The following EPM2A variants were observed in gnomAD, a reference collection of about 807,000 sequenced individuals.
EPM2A encodes the protein EPM2A glucan phosphatase, laforin, also known as laforin.
Under a neutral mutation model 26.5 loss-of-function variants are expected in EPM2A, and 21 were observed. The ratio of observed to expected loss-of-function variants is 0.79; its 90% CI spans 0.56 to 1.14. EPM2A has a LOEUF of 1.14. Ranked by LOEUF, EPM2A falls within the 50% of genes most tolerant of loss-of-function variation. EPM2A has a pLI of 0.00. For synonymous variants in EPM2A, 217 were observed against 177.6 expected (o/e 1.22, Z -1.76); for missense variants, 458 against 440.8 (o/e 1.04, Z -0.35).
chr6:145,675,314 C>G (rs1260403070), intron 2 of EPM2A, among the ~76,000 whole-genome samples: 1 of 152,192 alleles, frequency 6.6e-6, no homozygotes. Flanking sequence ...ACAACTGTTA[C>G]CACCCACTGC....
At chr6:145,672,017 T>C (rs192780435) in intron 2 of EPM2A, among the ~76,000 whole-genome samples, 100 of 152,314 alleles carry the variant, frequency 6.6e-4, no homozygotes, top group African/African-American at 2.3e-3. Context: ...TGTCCTTTAA[T>C]GCAAATATCC....
intron 4 of EPM2A, among the ~76,000 whole-genome samples, chr6:145,455,369 C>G (rs1254943031): frequency 6.6e-6 from 1 of 151,628 alleles, no homozygotes; most frequent in Non-Finnish European, 1.5e-5. Flanking sequence ...AAATTTTTTT[C>G]TTTTTTGAGA....
Position 145,735,502 on chromosome 6 carries a change from G to T in EPM2A, c.-4C>A. ...CCACCCCAAAGCGGAAGCGCATGGC[G>T]GGCGGCGGCGGCGCGAATACCCGGG... On this transcript the variant is annotated 5_prime_UTR_variant, in exon 1 of 4. Coordinates refer to ENST00000367519, the MANE Select transcript of EPM2A (RefSeq NM_005670.4). 1 of 1,186,128 alleles carries T rather than the reference G, an allele frequency of 8.4e-7. No individual in the cohort carries two copies. Among genetic ancestry groups the T allele is most frequent in the Non-Finnish European group, 1.0e-6 (1 of 958,722 alleles). 73.5% of individuals were successfully genotyped at this position (1,186,128 alleles called of 1,614,324 possible).
intron 2 of EPM2A, among the ~76,000 whole-genome samples, chr6:145,517,231 T>G (rs2114769286): frequency 6.6e-6 from 1 of 152,300 alleles, no homozygotes; most frequent in South Asian, 2.1e-4. Context: ...GTATGAAGTT[T>G]TATTTTTGCA....
intron 2 of EPM2A, among the ~76,000 whole-genome samples, chr6:145,684,302 C>A (rs755128044): frequency 1.3e-5 from 2 of 152,000 alleles, no homozygotes; most frequent in Non-Finnish European, 2.9e-5. Context: ...AGAGCAAAGG[C>A]AATCAAGGAG....
chr6:145,546,235 C>A (rs1382240946), intron 2 of EPM2A, among the ~76,000 whole-genome samples: 1 of 152,144 alleles, frequency 6.6e-6, no homozygotes, highest in East Asian at 1.9e-4. Flanking sequence ...ACCTGGGAAG[C>A]TGCTGGTGCA....
chr6:145,661,512 T>G (rs1778706905), intron 2 of EPM2A, among the ~76,000 whole-genome samples: 1 of 152,228 alleles, frequency 6.6e-6, no homozygotes, highest in African/African-American at 2.4e-5. Flanking sequence ...AAACACCATC[T>G]AATTTCACTT....
chr6:145,661,048 CAG>C (rs1778668514), intron 2 of EPM2A, among the ~76,000 whole-genome samples: 1 of 151,944 alleles, frequency 6.6e-6, no homozygotes, highest in African/African-American at 2.4e-5. Context: ...GAGAGGGAGA[CAG>C]GGCACAGCAA....
chr6:145,415,326 G>C (rs187798825), intron 4 of EPM2A, among the ~76,000 whole-genome samples: 2 of 152,294 alleles, frequency 1.3e-5, no homozygotes, highest in African/African-American at 2.4e-5. Context: ...AATCTCTCCT[G>C]ATCTGTGAAG....
intron 2 of EPM2A, among the ~76,000 whole-genome samples, chr6:145,554,447 G>GATAC (rs1780697606): frequency 6.7e-6 from 1 of 149,788 alleles, no homozygotes; most frequent in South Asian, 2.1e-4. Flanking sequence ...TAGATAGATA[G>GATAC]ATAGATAGAT....
chr6:145,620,130 T>G (rs774229554), intron 2 of EPM2A, among the ~76,000 whole-genome samples: 2 of 152,152 alleles, frequency 1.3e-5, no homozygotes, highest in Non-Finnish European at 2.9e-5. Context: ...TCCCCAACCT[T>G]TTTGGAACCA....
At chr6:145,489,852 C>T in intron 4 of EPM2A, 2 of 1,434,416 alleles carry the variant, frequency 1.4e-6, no homozygotes, top group South Asian at 2.3e-5. Context: ...CCACTGGCAC[C>T]TGATTTATCC....
chr6:145,677,679 T>C (rs941697519), intron 2 of EPM2A, among the ~76,000 whole-genome samples: 4 of 152,140 alleles, frequency 2.6e-5, no homozygotes, highest in South Asian at 2.1e-4. Context: ...CCATTCACAA[T>C]TGCTTCAAAG....
At chr6:145,418,936 T>G (rs1778744539) in intron 4 of EPM2A, among the ~76,000 whole-genome samples, 1 of 152,202 alleles carries the variant, frequency 6.6e-6, no homozygotes, top group Non-Finnish European at 1.5e-5. Flanking sequence ...TTATATTCCT[T>G]GGAAAATCAA....
At chr6:145,694,592 T>G (rs1048418170) in intron 1 of EPM2A, among the ~76,000 whole-genome samples, 3 of 151,472 alleles carry the variant, frequency 2.0e-5, no homozygotes, top group African/African-American at 7.3e-5. Flanking sequence ...AAGTAAGAGG[T>G]GTTAAGATTG....
At chr6:145,715,735 C>A (rs1775581882) in intron 1 of EPM2A, among the ~76,000 whole-genome samples, 1 of 152,132 alleles carries the variant, frequency 6.6e-6, no homozygotes, top group Admixed American at 6.5e-5. Context: ...ACTTGGGAGA[C>A]AGGGAGACAT....
intron 4 of EPM2A, among the ~76,000 whole-genome samples, chr6:145,419,913 T>C (rs963163019): frequency 2.0e-5 from 3 of 152,180 alleles, no homozygotes; most frequent in African/African-American, 4.8e-5. Context: ...CATTGAATAG[T>C]TAATATTTTA....
chr6:145,397,228 C>T (rs967781958), intron 4 of EPM2A, among the ~76,000 whole-genome samples: 4 of 152,044 alleles, frequency 2.6e-5, no homozygotes, highest in African/African-American at 7.2e-5. Context: ...GATAGGCGTT[C>T]ACTACCAGCC....
intron 2 of EPM2A, among the ~76,000 whole-genome samples, chr6:145,652,624 A>G (rs1777965163): frequency 6.6e-6 from 1 of 151,838 alleles, no homozygotes; most frequent in South Asian, 2.1e-4. Context: ...CTCCCCTCAT[A>G]TTCTTTGTAA....
Sources: allele counts gnomAD v4.1 joint callset (sites outside exome capture counted in the v4.1 genomes callset), GRCh38; gene constraint gnomAD v4.1.1; transcripts MANE v1.5; gene names NCBI Gene and HGNC (gene_info 2026-07-23, HGNC 2026-07-21).